Variants in SP100 observed in about 807,000 individuals in gnomAD.
SP100 encodes the protein nuclear autoantigen Sp-100.
In SP100, 84 loss-of-function variants were observed where a neutral mutation model predicts 130.0. The observed-to-expected ratio is 0.65, with a 90% CI of 0.54 to 0.77. SP100 has a LOEUF of 0.77. Ranked by LOEUF, SP100 falls within the 30% of genes least tolerant of loss-of-function variation. The pLI, the probability that SP100 is intolerant of heterozygous loss-of-function variation, is 0.00. For synonymous variants in SP100, 331 were observed against 351.7 expected (o/e 0.94, Z 0.66); for missense variants, 978 against 1,052.2 (o/e 0.93, Z 0.97).
Position 230,446,501 on chromosome 2 carries a change from T to C in SP100, c.440-318T>C, listed in dbSNP as rs574191068. On this transcript the variant is annotated intron_variant, in intron 4 of 28. Transcript: ENST00000340126. ...GACTTGAGACCTTCTCCCCAGGGAA[T>C]TCCCCAGTTTCTTCCTTACACTTGA... Among the ~76,000 whole-genome samples the C allele has an allele frequency of 2.0e-5, 3 of 152,378 alleles. No homozygotes were observed. The East Asian group carries it at 5.8e-4, about 29-fold the overall frequency.
chr2:230,493,582 GTCCTTCACTTTAATTTCTGAA>G (rs564234390), intron 17 of SP100, among the ~76,000 whole-genome samples: 132 of 152,036 alleles, frequency 8.7e-4, no homozygotes, highest in Non-Finnish European at 1.6e-3. Flanking sequence ...TGTAATCTAT[GTCCTTCACTTTAATTTCTGAA>G]ATGTCTAATC....
intron 24 of SP100, among the ~76,000 whole-genome samples, chr2:230,514,810 A>G (rs531322301): frequency 5.1e-4 from 78 of 152,200 alleles, no homozygotes; most frequent in Non-Finnish European, 8.2e-4. Flanking sequence ...TGTCTGCACT[A>G]CTTGTAAGAA....
chr2:230,510,926 G>A (rs979344169), intron 23 of SP100, 199 bp from the exon 24 acceptor site: 27 of 604,606 alleles, frequency 4.5e-5, no homozygotes, highest in Non-Finnish European at 7.1e-5. Context: ...AATGGCACTT[G>A]CATTGGGCCA....
intron 24 of SP100, among the ~76,000 whole-genome samples, chr2:230,521,625 T>C (rs1208045241): frequency 6.6e-6 from 1 of 152,208 alleles, no homozygotes; most frequent in African/African-American, 2.4e-5. Flanking sequence ...TCTCAGTGAT[T>C]GGCTTTCTGT....
chr2:230,451,062 G>A (rs2063957195), intron 8 of SP100, among the ~76,000 whole-genome samples: 1 of 152,154 alleles, frequency 6.6e-6, no homozygotes, highest in Non-Finnish European at 1.5e-5. Context: ...GACTTATGAT[G>A]TGTTCAATTT....
At chr2:230,431,692 A>G (rs1163840516) in intron 2 of SP100, among the ~76,000 whole-genome samples, 1 of 151,522 alleles carries the variant, frequency 6.6e-6, no homozygotes, top group Non-Finnish European at 1.5e-5. Flanking sequence ...TGATTTCCCT[A>G]TTCTCTTTCT....
chr2:230,484,955 G>A (rs2065997471), intron 17 of SP100, among the ~76,000 whole-genome samples: 1 of 151,910 alleles, frequency 6.6e-6, no homozygotes. Context: ...TGGAGATAGG[G>A]ATCCTGGTAT....
At chr2:230,492,545 ATC>A (rs2066442894) in intron 17 of SP100, among the ~76,000 whole-genome samples, 1 of 152,178 alleles carries the variant, frequency 6.6e-6, no homozygotes, top group Non-Finnish European at 1.5e-5. Context: ...GCTTCAAGCG[ATC>A]TTTCCACCTA....
intron 17 of SP100, among the ~76,000 whole-genome samples, chr2:230,477,744 C>T (rs2065629997): frequency 3.3e-5 from 5 of 152,118 alleles, no homozygotes; most frequent in Admixed American, 3.3e-4. Flanking sequence ...CTCCCAACTC[C>T]TTCCCAAGTC....
intron 2 of SP100, among the ~76,000 whole-genome samples, chr2:230,436,940 ACG>A (rs1201944355): frequency 2.1e-3 from 272 of 128,780 alleles, no homozygotes; most frequent in Non-Finnish European, 3.5e-3. Flanking sequence ...GTATACACAC[ACG>A]CATATATGTG....
chr2:230,533,003 A>G (rs1691774748), intron 24 of SP100, among the ~76,000 whole-genome samples: 1 of 152,120 alleles, frequency 6.6e-6, no homozygotes, highest in East Asian at 1.9e-4. Context: ...CTGGTGTCGA[A>G]CGCCTAACCT....
At chr2:230,466,595 A>AT (rs1203873001) in intron 12 of SP100, among the ~76,000 whole-genome samples, 1 of 152,102 alleles carries the variant, frequency 6.6e-6, no homozygotes, top group Non-Finnish European at 1.5e-5. Flanking sequence ...AAGGTTTTTT[A>AT]TTTTTTTAGT....
At chr2:230,512,343 C>T (rs947247898) in intron 24 of SP100, among the ~76,000 whole-genome samples, 1 of 132,436 alleles carries the variant, frequency 7.6e-6, no homozygotes, top group Non-Finnish European at 1.5e-5. Flanking sequence ...AGGCTGGAGT[C>T]CAGTGGCACG....
chr2:230,500,271 A>T (rs989038877), intron 19 of SP100, among the ~76,000 whole-genome samples: 6 of 152,204 alleles, frequency 3.9e-5, no homozygotes, highest in Middle Eastern at 3.2e-3. Context: ...GACTGCCCGG[A>T]TATACAATTG....
At chr2:230,440,688 A>G (rs1471902747) in intron 2 of SP100, 1 of 803,942 alleles carries the variant, frequency 1.2e-6, no homozygotes, top group African/African-American at 1.8e-5. Context: ...GAAGAAATTG[A>G]CAAACTGATT....
At chr2:230,530,795 A>G (rs1691665018) in intron 24 of SP100, among the ~76,000 whole-genome samples, 1 of 152,260 alleles carries the variant, frequency 6.6e-6, no homozygotes, top group Non-Finnish European at 1.5e-5. Context: ...GAAGACATTT[A>G]TGCAGCCAAC....
In SP100 at chr2:230,539,252, C is replaced by T. The variant is rs552122202; in HGVS notation, c.2095-15C>T. 3 of 1,568,506 alleles carry T rather than the reference C, an allele frequency of 1.9e-6. No homozygotes were observed. The Admixed American group carries it at 5.0e-5, about 26-fold the overall frequency. On this transcript the variant is annotated splice_polypyrimidine_tract_variant and intron_variant, in intron 24 of 28. Coordinates refer to ENST00000340126, the MANE Select transcript of SP100 (RefSeq NM_001080391.2). ...GTCTCACTGATCCCGGTGATGTCTA[C>T]ATCTCCCCTTCTAGCCGGAAAACTC...
Position 230,416,980 on chromosome 2 carries a change from C to G in SP100, c.33-611C>G, listed in dbSNP as rs141453326. ...AAGAGAAGGAAATCCTAACTTTTCT[C>G]TAGTAGTGAGTTGAGAAATAACATT... is the stretch of plus-strand genomic sequence containing the variant. On this transcript the variant is annotated intron_variant, in intron 1 of 28. Transcript: ENST00000340126. 762 of 685,932 alleles carry G rather than the reference C, an allele frequency of 1.1e-3. 6 individuals are homozygous for G. In the African/African-American group the frequency reaches 0.014, roughly 12 times the overall value. The allele number at this position is 685,932 out of a possible 1,614,324, so 42.5% of individuals were successfully genotyped here.
intron 17 of SP100, among the ~76,000 whole-genome samples, chr2:230,481,029 G>A (rs1237270449): frequency 6.7e-6 from 1 of 149,796 alleles, no homozygotes; most frequent in African/African-American, 2.4e-5. Flanking sequence ...TAGTATTGGT[G>A]GTGGTGGTGG....
Sources: gnomAD v4.1 joint callset for allele counts (sites outside exome capture counted in the v4.1 genomes callset) on GRCh38, gnomAD v4.1.1 for gene constraint, MANE v1.5 for transcripts, NCBI Gene and HGNC (gene_info 2026-07-23, HGNC 2026-07-21) for gene names.